The following TARS2 variants were observed in gnomAD, a reference collection of about 807,000 sequenced individuals.
TARS2 encodes the protein threonyl-tRNA synthetase 2, mitochondrial.
Under a neutral mutation model 94.4 loss-of-function variants are expected in TARS2, and 61 were observed. The observed-to-expected ratio is 0.65, with a 90% confidence interval of 0.53 to 0.80. TARS2 has a LOEUF of 0.80. Among genes scored for constraint, TARS2 ranks in the 30% least tolerant of loss-of-function variants. The probability of loss-of-function intolerance (pLI) is 0.00; values close to 1 mark genes in which losing one functional copy is unlikely to be tolerated. For missense variants in TARS2, 704 were observed against 902.5 expected (o/e 0.78, Z 2.82); for synonymous variants, 359 against 353.4 (o/e 1.02, Z -0.18).
At chr1:150,501,081 A>G (rs1669890985) in intron 13 of TARS2, among the ~76,000 whole-genome samples, 1 of 152,020 alleles carries the variant, frequency 6.6e-6, no homozygotes, top group African/African-American at 2.4e-5. Flanking sequence ...TGAATTCTTC[A>G]TGAGGCAGGA....
chr1:150,504,012 G>A (rs1227188169), intron 13 of TARS2, among the ~76,000 whole-genome samples: 1 of 151,998 alleles, frequency 6.6e-6, no homozygotes, highest in African/African-American at 2.4e-5. Context: ...TGGGGGAGAT[G>A]ACAGGATAAA....
chr1:150,503,577 G>GTATA (rs370458461), intron 13 of TARS2, among the ~76,000 whole-genome samples: 94 of 141,520 alleles, frequency 6.6e-4, no homozygotes, highest in African/African-American at 2.4e-3. Context: ...GTGTGTGTGT[G>GTATA]TATATATATG....
chr1:150,496,973 G>A, intron 9 of TARS2, 65 bp downstream of exon 9: 2 of 1,519,336 alleles, frequency 1.3e-6, no homozygotes, highest in Non-Finnish European at 1.8e-6. Context: ...AAGAAGCTAA[G>A]GTGTTTGTGT....
At chr1:150,502,385 ATTTTTT>A (rs745871348) in intron 13 of TARS2, among the ~76,000 whole-genome samples, 1 of 122,860 alleles carries the variant, frequency 8.1e-6, no homozygotes, top group Non-Finnish European at 1.7e-5. Context: ...CGCCCAGCTA[ATTTTTT>A]TTTTTTTTTT....
intron 7 of TARS2, among the ~76,000 whole-genome samples, chr1:150,496,109 A>G: frequency 6.6e-6 from 1 of 152,294 alleles, no homozygotes; most frequent in East Asian, 1.9e-4. Flanking sequence ...TGACTTTTCT[A>G]GCAGCTGTAT....
chr1:150,497,279 C>G (rs890209177), intron 9 of TARS2, among the ~76,000 whole-genome samples: 2 of 151,574 alleles, frequency 1.3e-5, no homozygotes, highest in Non-Finnish European at 2.9e-5. Context: ...AGTGAGACTC[C>G]GTCTTGAAGA....
At chr1:150,495,247 A>T (rs913153450) in intron 7 of TARS2, among the ~76,000 whole-genome samples, 1 of 147,516 alleles carries the variant, frequency 6.8e-6, no homozygotes, top group African/African-American at 2.5e-5. Context: ...TGGGAGGCTG[A>T]GGCAGGAGAA....
chr1:150,499,431 T>C, intron 13 of TARS2, 138 bp downstream of exon 13: 1 of 765,144 alleles, frequency 1.3e-6, no homozygotes, highest in South Asian at 1.9e-5. Flanking sequence ...TGGTGTGATC[T>C]CAGCTCACTG....
chr1:150,493,236 G>A (rs1025350582), intron 7 of TARS2, among the ~76,000 whole-genome samples: 4 of 151,988 alleles, frequency 2.6e-5, no homozygotes, highest in Non-Finnish European at 2.9e-5. Context: ...CTAAAAACCC[G>A]TTTGATGGCA....
chr1:150,490,509 C>G, intron 3 of TARS2, 92 bp from the exon 4 acceptor site: 1 of 1,504,812 alleles, frequency 6.6e-7, no homozygotes, highest in Non-Finnish European at 8.9e-7. Flanking sequence ...ACCATACCGG[C>G]TTTCCTACCA....
intron 7 of TARS2, among the ~76,000 whole-genome samples, chr1:150,495,004 A>C (rs901533741): frequency 7.3e-5 from 11 of 150,944 alleles, no homozygotes; most frequent in African/African-American, 2.4e-4. Flanking sequence ...ACACGGTGAA[A>C]CCCTGTCTAC....
intron 10 of TARS2, among the ~76,000 whole-genome samples, chr1:150,498,148 G>T (rs139795610): frequency 4.3e-4 from 65 of 151,524 alleles, no homozygotes; most frequent in African/African-American, 1.5e-3. Context: ...ACCGATTTGA[G>T]CCTACAGTCT....
chr1:150,488,576 G>T, intron 2 of TARS2: 1 of 178,590 alleles, frequency 5.6e-6, no homozygotes, highest in South Asian at 1.3e-4. Context: ...GTGATATTTT[G>T]ATATATGCAT....
intron 17 of TARS2, among the ~76,000 whole-genome samples, chr1:150,506,464 TA>T (rs1222963203): frequency 7.4e-6 from 1 of 136,050 alleles, no homozygotes; most frequent in East Asian, 2.1e-4. Context: ...CTTGCTCTAA[TA>T]CCCCCTTCAG....
Position 150,496,532 on chromosome 1 carries a change from A to T in TARS2, c.825A>T (p.Arg275Ser), listed in dbSNP as rs758762264. Residue 275 changes from arginine (R) to serine (S), a missense_variant, in exon 8 of 18, where the codon AGA becomes AGT. This residue lies in a region of TARS2 where 466 missense variants were observed against 609.5 expected (regional missense o/e 0.76). Transcript: ENST00000369064. Reference protein sequence around the residue: ...RSSGAPETLQRVSGISFPTTE... With the variant: ...RSSGAPETLQSVSGISFPTTE... ...CAGGGGCCCCAGAGACACTGCAGAG[A>T]GTGTCAGGGATTTCCTTCCCCACAA... 3 of 1,613,966 alleles carry T rather than the reference A, an allele frequency of 1.9e-6. No individual in the cohort carries two copies. Among genetic ancestry groups the T allele is most frequent in the East Asian group, 2.2e-5 (1 of 44,880 alleles).
At chr1:150,504,217 G>T in intron 13 of TARS2, 118 bp from the exon 14 acceptor site, 10 of 881,694 alleles carry the variant, frequency 1.1e-5, no homozygotes, top group Non-Finnish European at 1.8e-5. Context: ...GTGACATGAT[G>T]AAGGTAGTAG....
intron 2 of TARS2, chr1:150,488,366 A>C (rs41264059): frequency 0.2 from 46,655 of 234,810 alleles, 5,546 homozygotes; most frequent in African/African-American, 0.32. Context: ...TAGTTTCTGC[A>C]TCAGAGTCTC....
chr1:150,490,585 T>G lies in TARS2; in HGVS notation c.388-16T>G. ...AGAAGTTTATGAACTTGTGAACCCC[T>G]TTTTTGTGAACCCAGGTGTTCTGGC... On this transcript the variant is annotated splice_polypyrimidine_tract_variant and intron_variant, in intron 3 of 17. Transcript: ENST00000369064. 1 of 1,608,866 alleles carries G rather than the reference T, an allele frequency of 6.2e-7. No individual in the cohort carries two copies. The highest frequency in any genetic ancestry group is 8.5e-7 in the Non-Finnish European group (1 of 1,178,394).
chr1:150,490,467 A>T lies in TARS2; in HGVS notation c.388-134A>T, dbSNP rs183350764. 3 of 1,351,274 alleles carry T rather than the reference A, an allele frequency of 2.2e-6. No homozygotes were observed. In the South Asian group the frequency reaches 4.6e-5, roughly 21 times the overall value. 83.7% of individuals were successfully genotyped at this position (1,351,274 alleles called of 1,614,324 possible). Reference sequence around the variant, plus strand: ...TTAGTGGTCACCCCCAAAATCTAGGATCCCCATTTTGTGGTAGTTATTCCT... The same window carrying T: ...TTAGTGGTCACCCCCAAAATCTAGGTTCCCCATTTTGTGGTAGTTATTCCT... On this transcript the variant is annotated intron_variant, in intron 3 of 17. Transcript: ENST00000369064.
Sources: gnomAD v4.1 joint callset for allele counts (sites outside exome capture counted in the v4.1 genomes callset) on GRCh38, gnomAD v4.1.1 for gene constraint, gnomAD v4.1.1 regional missense constraint, MANE v1.5 for transcripts, NCBI Gene and HGNC (gene_info 2026-07-23, HGNC 2026-07-21) for gene names.